The following SP140L variants were observed in gnomAD, a reference collection of about 807,000 sequenced individuals.
The protein encoded by SP140L is SP140 like nuclear body protein.
In SP140L, 64 loss-of-function variants were observed where a neutral mutation model predicts 84.3. The ratio of observed to expected loss-of-function variants is 0.76; its 90% CI spans 0.62 to 0.94. The LOEUF (loss-of-function observed/expected upper bound fraction) is 0.94. SP140L is among the 40% of genes least tolerant of loss of function. The pLI, the probability that SP140L is intolerant of heterozygous loss-of-function variation, is 0.00. For missense variants in SP140L, 628 were observed against 692.5 expected (o/e 0.91, Z 1.05); for synonymous variants, 242 against 236.9 (o/e 1.02, Z -0.20).
chr2:230,400,735 A>T lies in SP140L; in HGVS notation c.1314-220A>T, dbSNP rs6719971. The T allele has an allele frequency of 8.6e-4, 927 of 1,074,516 alleles. 7 individuals are homozygous for T. In the African/African-American group the frequency reaches 0.013, roughly 15 times the overall value. 66.6% of individuals were successfully genotyped at this position (1,074,516 alleles called of 1,614,324 possible). A position where few individuals can be genotyped will look rare whatever the true frequency, so the allele number is the denominator to read the frequency against. On this transcript the variant is annotated intron_variant, in intron 15 of 18. Coordinates refer to ENST00000415673, the MANE Select transcript of SP140L (RefSeq NM_138402.6). ...AAGGATAGTCCCCACTCACGGTGAC[A>T]CCACCTTCCTGAGGCTTCCCTCCTG...
chr2:230,341,880 C>G (rs369772223), intron 2 of SP140L, among the ~76,000 whole-genome samples: 18,182 of 151,800 alleles, frequency 0.12, 1,138 homozygotes, highest in Middle Eastern at 0.15. Flanking sequence ...CTGGGAGAAC[C>G]ACTGCTCTCT....
intron 7 of SP140L, among the ~76,000 whole-genome samples, chr2:230,381,909 A>T (rs1231083062): frequency 2.0e-5 from 3 of 152,214 alleles, no homozygotes; most frequent in Non-Finnish European, 4.4e-5. Context: ...AGGTGTTCGA[A>T]GAAGGGAAGT....
chr2:230,386,034 C>G (rs1394082375), intron 9 of SP140L, among the ~76,000 whole-genome samples: 1 of 152,112 alleles, frequency 6.6e-6, no homozygotes, highest in Non-Finnish European at 1.5e-5. Flanking sequence ...CTCTTTCTTC[C>G]GTGAGATGCT....
intron 14 of SP140L, chr2:230,399,910 C>G: frequency 2.4e-6 from 1 of 423,214 alleles, no homozygotes; most frequent in Non-Finnish European, 4.3e-6. Flanking sequence ...ATAAGGAAAA[C>G]GTTTTTATTC....
In SP140L at chr2:230,383,525, A is replaced by G. The variant is rs753265328; in HGVS notation, c.653A>G (p.His218Arg). 2.5e-6 allele frequency: 4 copies of G among 1,605,638 alleles called. No individual in the cohort carries two copies. The highest frequency in any genetic ancestry group is 2.2e-5 in the East Asian group (1 of 44,724). ...TGGTTTGAAGGAAAAAAGAAGGGGC[A>G]TGGCTGGAGCAGAATGGGAACGAGA... is the stretch of plus-strand genomic sequence containing the variant. ...PKRKRRKKKG[H>R]GWSRMGTRTQ... Residue 218 changes from histidine to arginine, a missense_variant, in exon 8 of 19, where the codon CAT (histidine) becomes CGT (arginine). Transcript: ENST00000415673.
In SP140L at chr2:230,334,715, G is replaced by GTGTA. The variant is rs1553613523; in HGVS notation, c.107+5885_107+5886insGTAT. Reference sequence around the variant, plus strand: ...TAATTGAGGGTGATTAAAATTATATGTATATATATATATATAAATGGTTTC... The same window carrying GTGTA: ...TAATTGAGGGTGATTAAAATTATATGTGTATATATATATATATATAAATGGTTTC... On this transcript the variant is annotated intron_variant, in intron 2 of 18. Transcript: ENST00000415673. 6.0e-3 allele frequency among the ~76,000 whole-genome samples: 899 copies of GTGTA among 149,666 alleles called. 3 individuals carry two copies. The highest frequency in any genetic ancestry group is 0.014 in the African/African-American group (584 of 41,014).
intron 7 of SP140L, among the ~76,000 whole-genome samples, chr2:230,382,622 A>C (rs2061445118): frequency 6.6e-6 from 1 of 152,168 alleles, no homozygotes. Flanking sequence ...GGGCACTCAG[A>C]AGGCTGTGCC....
chr2:230,400,072 T>A, intron 14 of SP140L, 55 bp from the exon 15 acceptor site: 1 of 1,592,030 alleles, frequency 6.3e-7, no homozygotes, highest in Non-Finnish European at 8.6e-7. Context: ...CCCAGAGGGG[T>A]GGCCTTCCTG....
chr2:230,327,330 T>G, intron 1 of SP140L, 29 bp downstream of exon 1: 1 of 1,603,612 alleles, frequency 6.2e-7, no homozygotes. Context: ...TCCTTTCACC[T>G]TTATCTCTGG....
At chr2:230,353,689 C>T (rs373926018) in intron 2 of SP140L, among the ~76,000 whole-genome samples, 1 of 152,092 alleles carries the variant, frequency 6.6e-6, no homozygotes, top group Admixed American at 6.5e-5. Flanking sequence ...ACGATACCTT[C>T]GATATCACTA....
At chr2:230,395,039 C>A (rs915125905) in intron 13 of SP140L, among the ~76,000 whole-genome samples, 6 of 149,902 alleles carry the variant, frequency 4.0e-5, no homozygotes, top group African/African-American at 1.5e-4. Flanking sequence ...GACTGGAGTG[C>A]GGTGGAGCAA....
At chr2:230,401,108 G>A (rs1167725479) in intron 16 of SP140L, 45 bp downstream of exon 16, 6 of 849,368 alleles carry the variant, frequency 7.1e-6, no homozygotes, top group East Asian at 2.7e-5. Context: ...CCCCTCACAC[G>A]TGAGAACCAT....
In SP140L at chr2:230,392,195, G is replaced by T; in HGVS notation, c.1073G>T (p.Arg358Leu). The change falls in exon 12 of 19, where the codon CGC (arginine) becomes CTC (leucine). Residue 358 changes from arginine (R) to leucine (L), a missense_variant. This residue lies in a region of SP140L where 525 missense variants were observed against 518.4 expected (regional missense o/e 1.01). Coordinates refer to ENST00000415673, the MANE Select transcript of SP140L (RefSeq NM_138402.6). Reference sequence around the variant, plus strand: ...TCAAAGAACTGGAGGCTGAGTGTGCGCTGTGGCGGGTGGCCCCTACGACGG... The same window carrying T: ...TCAAAGAACTGGAGGCTGAGTGTGCTCTGTGGCGGGTGGCCCCTACGACGG... ...ARSKNWRLSV[R>L]CGGWPLRRLM... 6 of 1,614,064 alleles carry T rather than the reference G, an allele frequency of 3.7e-6. No individual in the cohort carries two copies. Among genetic ancestry groups the T allele is most frequent in the Non-Finnish European group, 5.1e-6 (6 of 1,179,944 alleles).
At chr2:230,362,734 G>A (rs887539820) in intron 5 of SP140L, among the ~76,000 whole-genome samples, 2 of 152,104 alleles carry the variant, frequency 1.3e-5, no homozygotes, top group African/African-American at 4.8e-5. Flanking sequence ...AACCACTTAC[G>A]AAGTTTGCCT....
intron 2 of SP140L, among the ~76,000 whole-genome samples, chr2:230,349,398 G>A (rs919213806): frequency 1.3e-5 from 2 of 152,116 alleles, no homozygotes; most frequent in Non-Finnish European, 2.9e-5. Flanking sequence ...AATTTCTTCA[G>A]AAAAGCCATT....
intron 13 of SP140L, among the ~76,000 whole-genome samples, chr2:230,394,680 A>G (rs1410259993): frequency 6.6e-6 from 1 of 152,236 alleles, no homozygotes; most frequent in Non-Finnish European, 1.5e-5. Flanking sequence ...CTTAGCAGCA[A>G]CAAGCTACAG....
intron 2 of SP140L, among the ~76,000 whole-genome samples, chr2:230,352,924 A>G (rs898818243): frequency 5.3e-5 from 8 of 151,954 alleles, no homozygotes; most frequent in Non-Finnish European, 8.8e-5. Context: ...TATTTAAATG[A>G]CTTCACCATT....
intron 7 of SP140L, among the ~76,000 whole-genome samples, chr2:230,382,810 A>T (rs2061452016): frequency 6.6e-6 from 1 of 152,214 alleles, no homozygotes; most frequent in African/African-American, 2.4e-5. Context: ...CAGTGAGCCT[A>T]CTGCCCTCCC....
intron 5 of SP140L, among the ~76,000 whole-genome samples, chr2:230,365,006 G>A (rs114749274): frequency 0.015 from 2,342 of 152,120 alleles, 29 homozygotes; most frequent in Non-Finnish European, 0.024. Flanking sequence ...CATGGTGAGT[G>A]TGCTGTTGAA....
Sources: gnomAD v4.1 joint callset for allele counts (sites outside exome capture counted in the v4.1 genomes callset) on GRCh38, gnomAD v4.1.1 for gene constraint, gnomAD v4.1.1 regional missense constraint, MANE v1.5 for transcripts, NCBI Gene and HGNC (gene_info 2026-07-23, HGNC 2026-07-21) for gene names.